CNIH3: variants seen among roughly 807,000 people sequenced by gnomAD.
CNIH3 encodes the protein cornichon family AMPA receptor auxiliary protein 3.
Under a neutral mutation model 24.1 loss-of-function variants are expected in CNIH3, and 14 were observed. The ratio of observed to expected loss-of-function variants is 0.58; its 90% CI spans 0.38 to 0.91. CNIH3 has a LOEUF of 0.91. Among genes scored for constraint, CNIH3 ranks in the 40% least tolerant of loss-of-function variants. The pLI is 0.00. For missense variants in CNIH3, 178 were observed against 196.8 expected (o/e 0.90, Z 0.57); for synonymous variants, 68 against 73.8 (o/e 0.92, Z 0.40).
intron 3 of CNIH3, among the ~76,000 whole-genome samples, chr1:224,601,152 G>T (rs1008918399): frequency 6.6e-6 from 1 of 152,300 alleles, no homozygotes; most frequent in Middle Eastern, 3.4e-3. Context: ...ATTCAAGTGC[G>T]CTGTTTGACC....
chr1:224,619,561 G>A (rs1207673529), intron 1 of CNIH3, among the ~76,000 whole-genome samples: 1 of 152,150 alleles, frequency 6.6e-6, no homozygotes, highest in African/African-American at 2.4e-5. Flanking sequence ...CCATCACACT[G>A]ATTTGGTTCC....
At chr1:224,711,415 G>A (rs1286618131) in intron 3 of CNIH3, among the ~76,000 whole-genome samples, 1 of 151,406 alleles carries the variant, frequency 6.6e-6, no homozygotes, top group African/African-American at 2.4e-5. Context: ...TGAGCTACTG[G>A]GCTCAAGTGA....
chr1:224,706,994 T>C (rs1167745191), intron 3 of CNIH3, among the ~76,000 whole-genome samples: 1 of 136,564 alleles, frequency 7.3e-6, no homozygotes, highest in Admixed American at 8.4e-5. Flanking sequence ...GACAGAGTCT[T>C]GCTCTGTCAC....
chr1:224,576,634 T>A (rs996364574), intron 4 of CNIH3, among the ~76,000 whole-genome samples: 29 of 152,230 alleles, frequency 1.9e-4, no homozygotes, highest in African/African-American at 7.0e-4. Context: ...TATTCACAAC[T>A]GAGCCGTGTA....
intron 2 of CNIH3, among the ~76,000 whole-genome samples, chr1:224,533,387 C>CAA (rs146941595): frequency 0.016 from 1,636 of 103,364 alleles, 39 homozygotes; most frequent in African/African-American, 0.046. Flanking sequence ...GAACCCGTCT[C>CAA]AAAAAAAAAA....
chr1:224,642,837 G>A (rs1172886233), intron 1 of CNIH3, among the ~76,000 whole-genome samples: 2 of 152,262 alleles, frequency 1.3e-5, no homozygotes, highest in Admixed American at 6.5e-5. Context: ...TCTCTGCATC[G>A]AAAGCATGGT....
chr1:224,738,806 GT>G (rs930572407), intron 5 of CNIH3, among the ~76,000 whole-genome samples: 1 of 152,142 alleles, frequency 6.6e-6, no homozygotes, highest in Admixed American at 6.5e-5. Context: ...GGGCCAGGGA[GT>G]TACCCAATCA....
chr1:224,672,136 G>C (rs1685895768), intron 1 of CNIH3, among the ~76,000 whole-genome samples: 1 of 152,036 alleles, frequency 6.6e-6, no homozygotes, highest in Admixed American at 6.6e-5. Context: ...GCTCTTTTGG[G>C]GACAAGACAG....
chr1:224,542,127 A>G (rs1363124448), downstream of CNIH3, among the ~76,000 whole-genome samples: 1 of 152,240 alleles, frequency 6.6e-6, no homozygotes, highest in Non-Finnish European at 1.5e-5. Flanking sequence ...TGGTTTGGCC[A>G]GAATCTTTCC....
chr1:224,510,345 G>A (rs932318445), intron 1 of CNIH3, among the ~76,000 whole-genome samples: 2 of 152,118 alleles, frequency 1.3e-5, no homozygotes, highest in African/African-American at 4.8e-5. Context: ...CCCGTGGTCA[G>A]CGTTGTGTTT....
intron 1 of CNIH3, among the ~76,000 whole-genome samples, chr1:224,624,856 C>G (rs1022151492): frequency 6.6e-6 from 1 of 152,214 alleles, no homozygotes; most frequent in Non-Finnish European, 1.5e-5. Flanking sequence ...GATATCCTCA[C>G]CTTCTTGCAA....
At chr1:224,618,188 TGCAACTCTCAA>T (rs1683118696) in intron 1 of CNIH3, among the ~76,000 whole-genome samples, 2 of 152,254 alleles carry the variant, frequency 1.3e-5, no homozygotes, top group South Asian at 4.1e-4. Context: ...AGCGAGTGCA[TGCAACTCTCAA>T]GGCTTCCTTC....
chr1:224,697,132 T>C (rs922943458), intron 3 of CNIH3, among the ~76,000 whole-genome samples: 1 of 152,158 alleles, frequency 6.6e-6, no homozygotes, highest in East Asian at 1.9e-4. Context: ...GATAAAGGCA[T>C]GTGGAGAAGA....
intron 1 of CNIH3, among the ~76,000 whole-genome samples, chr1:224,468,171 T>C (rs1426090700): frequency 6.6e-6 from 1 of 152,218 alleles, no homozygotes; most frequent in Non-Finnish European, 1.5e-5. Context: ...CGTAACTATT[T>C]TAGGTCCTTT....
chr1:224,445,858 C>T (rs1675139870), intron 1 of CNIH3, among the ~76,000 whole-genome samples: 1 of 152,258 alleles, frequency 6.6e-6, no homozygotes, highest in Admixed American at 6.5e-5. Context: ...TGTGTTATAT[C>T]CTCTGGAAGT....
chr1:224,734,071 T>A (rs976741355), intron 4 of CNIH3, among the ~76,000 whole-genome samples: 1 of 152,218 alleles, frequency 6.6e-6, no homozygotes, highest in African/African-American at 2.4e-5. Flanking sequence ...TCTTTTTGAG[T>A]TCTAGGTCCC....
At chr1:224,479,310 C>T (rs985563061) in intron 1 of CNIH3, among the ~76,000 whole-genome samples, 9 of 152,150 alleles carry the variant, frequency 5.9e-5, no homozygotes, top group Admixed American at 3.3e-4. Context: ...TGCGTCACCA[C>T]GCCCGGCTAA....
At chr1:224,586,236 C>T (rs560980156) in intron 5 of CNIH3, among the ~76,000 whole-genome samples, 10 of 152,198 alleles carry the variant, frequency 6.6e-5, no homozygotes, top group South Asian at 2.1e-4. Flanking sequence ...AAGAGATACC[C>T]GAGACTGGGC....
chr1:224,444,359 T>C (rs888772593), intron 1 of CNIH3, among the ~76,000 whole-genome samples: 2 of 151,802 alleles, frequency 1.3e-5, no homozygotes, highest in Non-Finnish European at 2.9e-5. Flanking sequence ...CATTTGGTTT[T>C]TTTTATTTTT....
Sources: allele counts gnomAD v4.1 joint callset (sites outside exome capture counted in the v4.1 genomes callset), GRCh38; gene constraint gnomAD v4.1.1; transcripts MANE v1.5; gene names NCBI Gene and HGNC (gene_info 2026-07-23, HGNC 2026-07-21).